AKAP6: variants seen among roughly 807,000 people sequenced by gnomAD.
AKAP6 encodes the protein A-kinase anchor protein 6.
Under a neutral mutation model 188.5 loss-of-function variants are expected in AKAP6, and 58 were observed. The ratio of observed to expected loss-of-function variants is 0.31; its 90% CI spans 0.25 to 0.38. AKAP6 has a LOEUF of 0.38. Among genes scored for constraint, AKAP6 ranks in the 10% least tolerant of loss-of-function variants. The pLI, the probability that AKAP6 is intolerant of heterozygous loss-of-function variation, is 1.00. For synonymous variants in AKAP6, 989 were observed against 998.6 expected (o/e 0.99, Z 0.18); for missense variants, 2,710 against 2,740.0 (o/e 0.99, Z 0.24).
At chr14:32,734,935 C>T (rs910288360) in intron 10 of AKAP6, among the ~76,000 whole-genome samples, 3 of 152,042 alleles carry the variant, frequency 2.0e-5, no homozygotes, top group African/African-American at 4.8e-5. Context: ...AGAAAACAGC[C>T]CTCCCCGACA....
At chr14:32,489,903 G>T (rs1879910178) in intron 2 of AKAP6, among the ~76,000 whole-genome samples, 1 of 152,244 alleles carries the variant, frequency 6.6e-6, no homozygotes, top group South Asian at 2.1e-4. Context: ...TATTTCACCT[G>T]GGTGCAGGCG....
At chr14:32,465,917 G>A (rs566560147) in intron 2 of AKAP6, among the ~76,000 whole-genome samples, 71 of 152,098 alleles carry the variant, frequency 4.7e-4, no homozygotes, top group Non-Finnish European at 9.3e-4. Context: ...GTGGGAGAAG[G>A]ATATGAACAG....
chr14:32,612,641 T>C (rs1886399076), intron 7 of AKAP6, among the ~76,000 whole-genome samples: 1 of 152,174 alleles, frequency 6.6e-6, no homozygotes, highest in Admixed American at 6.6e-5. Flanking sequence ...GTACCTTAAA[T>C]ATGTGATTTT....
intron 7 of AKAP6, among the ~76,000 whole-genome samples, chr14:32,677,724 G>A (rs548056564): frequency 6.6e-6 from 1 of 152,294 alleles, no homozygotes; most frequent in South Asian, 2.1e-4. Flanking sequence ...ACTACAGTGA[G>A]CCCTAAGTAT....
chr14:32,620,370 A>G (rs963365172), intron 7 of AKAP6, among the ~76,000 whole-genome samples: 1 of 152,090 alleles, frequency 6.6e-6, no homozygotes, highest in African/African-American at 2.4e-5. Flanking sequence ...GGTTTTTATC[A>G]TAAAGGGATG....
chr14:32,604,101 C>T (rs1302125237), intron 7 of AKAP6, among the ~76,000 whole-genome samples: 1 of 152,174 alleles, frequency 6.6e-6, no homozygotes, highest in Non-Finnish European at 1.5e-5. Flanking sequence ...CCTCCACTTA[C>T]ATTATTCCAA....
intron 1 of AKAP6, among the ~76,000 whole-genome samples, chr14:32,350,104 G>A (rs977089710): frequency 4.6e-5 from 7 of 152,146 alleles, no homozygotes; most frequent in African/African-American, 1.7e-4. Context: ...CCATTTCTAG[G>A]AGGAAGAGTT....
At chr14:32,480,274 TA>T (rs1476651793) in intron 2 of AKAP6, among the ~76,000 whole-genome samples, 1 of 152,102 alleles carries the variant, frequency 6.6e-6, no homozygotes, top group Non-Finnish European at 1.5e-5. Context: ...TAGCCCCAAC[TA>T]AAAATGCTGG....
At chr14:32,646,248 A>G in intron 7 of AKAP6, among the ~76,000 whole-genome samples, 1 of 152,074 alleles carries the variant, frequency 6.6e-6, no homozygotes, top group East Asian at 1.9e-4. Context: ...ACCTATAATA[A>G]TATATAATAC....
chr14:32,432,255 G>T (rs1669660868), intron 1 of AKAP6, among the ~76,000 whole-genome samples: 1 of 152,056 alleles, frequency 6.6e-6, no homozygotes, highest in Non-Finnish European at 1.5e-5. Context: ...AGAAGAAGCT[G>T]CTCTTGAGAC....
intron 9 of AKAP6, among the ~76,000 whole-genome samples, chr14:32,712,289 G>A (rs1025292574): frequency 2.0e-5 from 3 of 152,124 alleles, no homozygotes; most frequent in Admixed American, 6.6e-5. Context: ...AAGATCATCT[G>A]AGCCTTCAGC....
At chr14:32,696,395 A>G (rs1267616830) in intron 9 of AKAP6, among the ~76,000 whole-genome samples, 1 of 152,236 alleles carries the variant, frequency 6.6e-6, no homozygotes, top group Non-Finnish European at 1.5e-5. Flanking sequence ...AACTGCATTC[A>G]TAAATAGACT....
At chr14:32,514,426 G>T (rs917140308) in intron 2 of AKAP6, among the ~76,000 whole-genome samples, 56 of 152,298 alleles carry the variant, frequency 3.7e-4, no homozygotes, top group African/African-American at 1.3e-3. Context: ...TGGTCTTACT[G>T]ATCTAAATAG....
intron 1 of AKAP6, among the ~76,000 whole-genome samples, chr14:32,419,859 C>T (rs1889780761): frequency 6.6e-6 from 1 of 151,818 alleles, no homozygotes; most frequent in Admixed American, 6.6e-5. Context: ...TTGTACCCCA[C>T]CCAGTCTTAT....
At chr14:32,582,338 C>A (rs1303630859) in intron 5 of AKAP6, among the ~76,000 whole-genome samples, 2 of 152,136 alleles carry the variant, frequency 1.3e-5, no homozygotes, top group Non-Finnish European at 2.9e-5. Flanking sequence ...TCTCTTCTGG[C>A]TTGTAGAGTT....
rs60277036 is a variant in AKAP6 at position 32,593,011 on chromosome 14, A to AACACACACACACAC, written c.2470-6361_2470-6348dup. ...ACACAGTGTCCCCTACCCCCACCCC[A>AACACACACACACAC]ACACACACACACACACACACACACA... On this transcript the variant is annotated intron_variant, in intron 5 of 13. Transcript: ENST00000280979. Among the ~76,000 whole-genome samples, 770 of 123,856 alleles carry AACACACACACACAC rather than the reference A, an allele frequency of 6.2e-3. 18 individuals are homozygous for AACACACACACACAC. Among genetic ancestry groups the AACACACACACACAC allele is most frequent in the Middle Eastern group, 0.02 (5 of 250 alleles). The allele number at this position is 123,856 out of a possible 152,430, so 81.3% of individuals were successfully genotyped here. A position where few individuals can be genotyped will look rare whatever the true frequency, so the allele number is the denominator to read the frequency against.
intron 1 of AKAP6, among the ~76,000 whole-genome samples, chr14:32,338,910 C>T (rs951083347): frequency 6.6e-6 from 1 of 152,080 alleles, no homozygotes; most frequent in African/African-American, 2.4e-5. Flanking sequence ...TGCAATTTCT[C>T]CTCAACTCCA....
intron 4 of AKAP6, among the ~76,000 whole-genome samples, chr14:32,570,485 A>G (rs1044840292): frequency 1.2e-4 from 19 of 152,146 alleles, no homozygotes; most frequent in African/African-American, 4.1e-4. Flanking sequence ...AGCACCTAGT[A>G]CAGTGCTGTA....
At chr14:32,808,350 T>C (rs1331043590) in intron 12 of AKAP6, among the ~76,000 whole-genome samples, 1 of 152,204 alleles carries the variant, frequency 6.6e-6, no homozygotes, top group African/African-American at 2.4e-5. Context: ...GGAACTTTTA[T>C]GGGCCCGTAT....
Sources: gnomAD v4.1 joint callset for allele counts (sites outside exome capture counted in the v4.1 genomes callset) on GRCh38, gnomAD v4.1.1 for gene constraint, MANE v1.5 for transcripts, NCBI Gene and HGNC (gene_info 2026-07-23, HGNC 2026-07-21) for gene names.